FOLH1: variants seen among roughly 807,000 people sequenced by gnomAD.
FOLH1 encodes glutamate carboxypeptidase 2.
A neutral mutation model predicts 93.9 loss-of-function variants in FOLH1; 54 were observed. That is an observed-to-expected ratio of 0.57 (90% CI 0.46 to 0.72). FOLH1 has a LOEUF of 0.72. Among genes scored for constraint, FOLH1 ranks in the 30% least tolerant of loss-of-function variants. FOLH1 has a pLI of 0.00. For missense variants in FOLH1, 571 were observed against 892.5 expected, an observed-to-expected ratio of 0.64 and a Z score of 4.59; for synonymous variants, 249 against 303.6, an observed-to-expected ratio of 0.82 and a Z score of 1.87.
At chr11:49,193,929 G>A (rs921370483) in intron 3 of FOLH1, among the ~76,000 whole-genome samples, 5 of 152,068 alleles carry the variant, frequency 3.3e-5, no homozygotes, top group African/African-American at 9.7e-5. Flanking sequence ...GGAGCCCAAG[G>A]TGGGTGGATC....
intron 17 of FOLH1, among the ~76,000 whole-genome samples, chr11:49,149,341 G>T (rs1163025648): frequency 6.6e-6 from 1 of 152,088 alleles, no homozygotes; most frequent in Non-Finnish European, 1.5e-5. Context: ...TGACTTTCTG[G>T]ATTAACTTGC....
chr11:49,167,266 T>C (rs1297078626), intron 12 of FOLH1, among the ~76,000 whole-genome samples: 1 of 152,206 alleles, frequency 6.6e-6, no homozygotes, highest in Non-Finnish European at 1.5e-5. Context: ...TTTGCAAATG[T>C]AACTTTTTTT....
intron 13 of FOLH1, among the ~76,000 whole-genome samples, chr11:49,163,796 T>C (rs999389595): frequency 6.6e-6 from 1 of 152,120 alleles, no homozygotes; most frequent in Non-Finnish European, 1.5e-5. Flanking sequence ...TAAGACTCCA[T>C]GCACCTGTGT....
At chr11:49,151,123 A>G (rs1282607457) in intron 17 of FOLH1, among the ~76,000 whole-genome samples, 1 of 152,184 alleles carries the variant, frequency 6.6e-6, no homozygotes, top group Admixed American at 6.5e-5. Context: ...TTGTTCTTTC[A>G]ACTGCACCTT....
At position 49,145,610 on chromosome 11, in the gene FOLH1, C is replaced by T. The variant is rs1269776851; in HGVS notation, c.*1146G>A. ...AGCAGATTCTTCAAGGGCAACACTA[C>T]AGCGACTTCTTAACTTTGAGCGAGG... is the stretch of plus-strand genomic sequence containing the variant. On this transcript the variant is annotated 3_prime_UTR_variant, in exon 19 of 19. Coordinates refer to ENST00000256999, the MANE Select transcript of FOLH1 (RefSeq NM_004476.3). 6.6e-6 allele frequency among the ~76,000 whole-genome samples: 1 copy of T among 152,154 alleles called. No homozygotes were observed. The highest frequency in any genetic ancestry group is 2.4e-5 in the African/African-American group (1 of 41,442).
At chr11:49,163,684 C>T (rs1056158513) in intron 13 of FOLH1, among the ~76,000 whole-genome samples, 3 of 151,894 alleles carry the variant, frequency 2.0e-5, no homozygotes, top group Non-Finnish European at 2.9e-5. Context: ...GGGGTCTAAC[C>T]TCCTGCTGTG....
intron 14 of FOLH1, 99 bp from the exon 15 acceptor site, chr11:49,156,906 T>C: frequency 6.4e-7 from 1 of 1,559,518 alleles, no homozygotes; most frequent in Non-Finnish European, 8.7e-7. Context: ...CTATTATAAA[T>C]GTAATTTTAA....
intron 13 of FOLH1, 115 bp from the exon 14 acceptor site, chr11:49,158,158 C>T (rs550475955): frequency 6.3e-6 from 5 of 790,388 alleles, no homozygotes; most frequent in Middle Eastern, 4.0e-4. Context: ...ACAAGGGATG[C>T]TATCCATACA....
At chr11:49,177,878 A>C (rs753103144) in intron 7 of FOLH1, among the ~76,000 whole-genome samples, 6 of 151,256 alleles carry the variant, frequency 4.0e-5, no homozygotes, top group Non-Finnish European at 7.4e-5. Flanking sequence ...CAGGAGAATC[A>C]CTTGAACCTG....
At chr11:49,190,153 A>G (rs1309870889) in intron 4 of FOLH1, among the ~76,000 whole-genome samples, 1 of 152,206 alleles carries the variant, frequency 6.6e-6, no homozygotes, top group Non-Finnish European at 1.5e-5. Flanking sequence ...TTTACCCTTA[A>G]TATAAGTAAC....
intron 7 of FOLH1, among the ~76,000 whole-genome samples, chr11:49,179,922 C>T (rs1860526395): frequency 6.6e-6 from 1 of 152,102 alleles, no homozygotes; most frequent in Admixed American, 6.5e-5. Flanking sequence ...CTACTTCTAC[C>T]ACAGTGCCTG....
intron 7 of FOLH1, among the ~76,000 whole-genome samples, chr11:49,176,366 T>C (rs574154238): frequency 6.6e-6 from 1 of 152,344 alleles, no homozygotes; most frequent in East Asian, 1.9e-4. Context: ...TTTTACAAAG[T>C]ACTTTCATAC....
intron 7 of FOLH1, among the ~76,000 whole-genome samples, chr11:49,178,394 AC>A (rs1307292605): frequency 6.6e-6 from 1 of 152,224 alleles, no homozygotes; most frequent in African/African-American, 2.4e-5. Context: ...TGAATTGTGA[AC>A]TTTGTAAATG....
intron 7 of FOLH1, among the ~76,000 whole-genome samples, chr11:49,178,602 A>G (rs1210489982): frequency 6.6e-6 from 1 of 152,182 alleles, no homozygotes; most frequent in African/African-American, 2.4e-5. Context: ...GAAAAATGTT[A>G]CTGAAATTTC....
chr11:49,204,830 T>A (rs1485538203), intron 2 of FOLH1, among the ~76,000 whole-genome samples: 2 of 152,096 alleles, frequency 1.3e-5, no homozygotes, highest in Non-Finnish European at 2.9e-5. Flanking sequence ...AATCCTGCAA[T>A]CATTAGAGGG....
rs1314633213 is a variant in FOLH1 at position 49,175,720 on chromosome 11, C to A, written c.1019+139G>T. On this transcript the variant is annotated intron_variant, in intron 8 of 18. Coordinates refer to ENST00000256999, the MANE Select transcript of FOLH1 (RefSeq NM_004476.3). ...TTAAAGATTTCTAATTGTTCACAGG[C>A]AAAAATTACACTGGTTCTAACTTGC... is the stretch of plus-strand genomic sequence containing the variant. The A allele has an allele frequency of 1.0e-5, 7 of 685,114 alleles. No homozygotes were observed. In the Admixed American group the frequency reaches 1.6e-4, roughly 16 times the overall value. 42.4% of individuals were successfully genotyped at this position (685,114 alleles called of 1,614,324 possible).
intron 17 of FOLH1, among the ~76,000 whole-genome samples, chr11:49,149,112 G>A (rs1210465362): frequency 2.0e-5 from 3 of 151,996 alleles, no homozygotes; most frequent in Non-Finnish European, 4.4e-5. Context: ...GGCCTGTCGT[G>A]GGGTGGGGTG....
chr11:49,200,424 G>A lies in FOLH1; in HGVS notation c.242C>T (p.Pro81Leu). Reference sequence around the variant, plus strand: ...GTTTTGTTCTGTTCCTGCTAAATGTGGTATCTGTGTAAAATTACTGGTGAA... The same window carrying A: ...GTTTTGTTCTGTTCCTGCTAAATGTAGTATCTGTGTAAAATTACTGGTGAA... ...KKFLYNFTQI[P>L]HLAGTEQNFQ... The change falls in exon 3 of 19, where the codon CCA becomes CTA. Residue 81 changes from proline (P) to leucine (L), a missense_variant. This residue lies in a region of FOLH1 where 500 missense variants were observed against 822.9 expected (regional missense o/e 0.61). Transcript: ENST00000256999. The A allele has an allele frequency of 1.9e-6, 3 of 1,612,768 alleles. No homozygotes were observed. The highest frequency in any genetic ancestry group is 2.5e-6 in the Non-Finnish European group (3 of 1,179,526).
chr11:49,148,719 T>C lies in FOLH1; in HGVS notation c.1983A>G (p.Leu661=). The change falls in exon 18 of 19, where the codon TTA becomes TTG. Residue 661 remains leucine, a synonymous_variant. Coordinates refer to ENST00000256999, the MANE Select transcript of FOLH1 (RefSeq NM_004476.3). The stretch of plus-strand genomic sequence containing the variant: ...ACATGAGTTGATCATTCATCATTCT[T>C]AATACTATTGGGCTGAGAAAGAAAA... ...QDFDKSNPIV[L]RMMNDQLMFL... is the part of the protein sequence containing the mutation. 1 of 1,598,096 alleles carries C rather than the reference T, an allele frequency of 6.3e-7. No homozygotes were observed. The highest frequency in any genetic ancestry group is 2.3e-5 in the East Asian group (1 of 44,292).
Sources: allele counts gnomAD v4.1 joint callset (sites outside exome capture counted in the v4.1 genomes callset), GRCh38; gene constraint gnomAD v4.1.1; regional missense constraint gnomAD v4.1.1; transcripts MANE v1.5; gene names NCBI Gene and HGNC (gene_info 2026-07-23, HGNC 2026-07-21).